Variants in ARHGEF37 observed in about 807,000 individuals in gnomAD.
The protein encoded by ARHGEF37 is Rho guanine nucleotide exchange factor 37, also known as Rho guanine nucleotide exchange factor (GEF) 37.
ARHGEF37 carries 55 observed loss-of-function variants against 71.1 expected under a neutral mutation model. That is an observed-to-expected ratio of 0.77 (90% CI 0.62 to 0.97). ARHGEF37 has a LOEUF of 0.97. Ranked by LOEUF, ARHGEF37 falls within the 50% of genes least tolerant of loss-of-function variation. The probability of loss-of-function intolerance (pLI) is 0.00; values close to 1 mark genes in which losing one functional copy is unlikely to be tolerated. For missense variants in ARHGEF37, 765 were observed against 836.8 expected, an observed-to-expected ratio of 0.91 and a Z score of 1.06; for synonymous variants, 327 against 350.6, an observed-to-expected ratio of 0.93 and a Z score of 0.75.
chr5:149,626,241 A>AACACACACACACACACACACAC (rs58263212), intron 10 of ARHGEF37, among the ~76,000 whole-genome samples: 1 of 133,636 alleles, frequency 7.5e-6, no homozygotes, highest in Non-Finnish European at 1.6e-5. Flanking sequence ...GAGCATGGTG[A>AACACACACACACACACACACAC]ACACACACAC....
At chr5:149,569,304 A>T (rs1223645665) in intron 1 of ARHGEF37, among the ~76,000 whole-genome samples, 3 of 150,350 alleles carry the variant, frequency 2.0e-5, no homozygotes, top group Admixed American at 6.6e-5. Flanking sequence ...GTTTATTTTT[A>T]TTTATTTATT....
In ARHGEF37 at chr5:149,624,129, C is replaced by T; in HGVS notation, c.1453C>T (p.Pro485Ser). ...QETFEKVQPP[P>S]TTQPLLPGSE... ...GACCTTTGAGAAAGTGCAGCCACCT[C>T]CCACCACACAAGTAAGCATCCTTCC... The change falls in exon 10 of 13, where the codon CCC becomes TCC. Residue 485 changes from proline to serine, a missense_variant. Around this residue, in one of 5 missense-constraint regions of ARHGEF37, gnomAD observed 390 missense variants for 407.4 expected, o/e 0.96. Transcript: ENST00000333677. The T allele has an allele frequency of 6.2e-7, 1 of 1,608,948 alleles. No individual in the cohort carries two copies. The highest frequency in any genetic ancestry group is 8.5e-7 in the Non-Finnish European group (1 of 1,175,860).
At chr5:149,577,118 G>C (rs1763036477), upstream of ARHGEF37, among the ~76,000 whole-genome samples, 1 of 152,010 alleles carries the variant, frequency 6.6e-6, no homozygotes, top group African/African-American at 2.4e-5. Flanking sequence ...TCAAATCCCA[G>C]TCACCTATGA....
intron 1 of ARHGEF37, among the ~76,000 whole-genome samples, chr5:149,585,683 A>G (rs967551416): frequency 9.5e-6 from 1 of 105,554 alleles, no homozygotes; most frequent in African/African-American, 4.1e-5. Flanking sequence ...ACGCCCAGCT[A>G]ATTTTTTGTA....
chr5:149,611,810 A>G (rs1397805126), intron 4 of ARHGEF37, among the ~76,000 whole-genome samples: 1 of 152,254 alleles, frequency 6.6e-6, no homozygotes, highest in Non-Finnish European at 1.5e-5. Context: ...CCCTTGTTAT[A>G]ACAAATATTA....
Position 149,632,898 on chromosome 5 carries a change from G to C in ARHGEF37, c.*707G>C, listed in dbSNP as rs1752930066. ...GGATTTTGATACTGTGTTAGGTGGG[G>C]TGTGTGAGGCTGTTGGCAGCAGGTG... On this transcript the variant is annotated 3_prime_UTR_variant, in exon 13 of 13. Transcript: ENST00000333677. 1 of 153,238 alleles carries C rather than the reference G, an allele frequency of 6.5e-6. No individual in the cohort carries two copies. The highest frequency in any genetic ancestry group is 1.5e-5 in the Non-Finnish European group (1 of 68,506). The allele number at this position is 153,238 out of a possible 1,614,324, so 9.5% of individuals were successfully genotyped here. A position where few individuals can be genotyped will look rare whatever the true frequency, so the allele number is the denominator to read the frequency against.
chr5:149,606,112 T>A (rs2113332830), intron 3 of ARHGEF37, among the ~76,000 whole-genome samples: 1 of 152,226 alleles, frequency 6.6e-6, no homozygotes, highest in South Asian at 2.1e-4. Flanking sequence ...GCCACACTGG[T>A]ATGACACAGT....
intron 1 of ARHGEF37, among the ~76,000 whole-genome samples, chr5:149,585,022 TG>T (rs1161037741): frequency 6.6e-6 from 1 of 152,212 alleles, no homozygotes; most frequent in African/African-American, 2.4e-5. Flanking sequence ...AGAATATATA[TG>T]GGTGGCAAAT....
intron 1 of ARHGEF37, among the ~76,000 whole-genome samples, chr5:149,596,573 G>C (rs1763553108): frequency 6.6e-6 from 1 of 152,192 alleles, no homozygotes; most frequent in Non-Finnish European, 1.5e-5. Flanking sequence ...CCAAAGTGCT[G>C]GGATTACAGG....
At position 149,553,725 on chromosome 5, in the gene ARHGEF37, A is replaced by T. The variant is rs78367835; in HGVS notation, c.-12+1602A>T. 8.1e-4 allele frequency among the ~76,000 whole-genome samples: 123 copies of T among 152,372 alleles called. 2 individuals carry two copies. The highest frequency in any genetic ancestry group is 2.7e-3 in the African/African-American group (114 of 41,586). On this transcript the variant is annotated intron_variant, in intron 1 of 2. Transcript: ENST00000505810. Reference sequence around the variant, plus strand: ...AAGTTTGCCATGAGGATGTGAGAAAAGTAAGCAATACATCTTTCATTTATT... The same window carrying T: ...AAGTTTGCCATGAGGATGTGAGAAATGTAAGCAATACATCTTTCATTTATT...
intron 4 of ARHGEF37, among the ~76,000 whole-genome samples, chr5:149,615,982 A>T (rs1307200594): frequency 6.6e-6 from 1 of 152,248 alleles, no homozygotes; most frequent in Admixed American, 6.5e-5. Flanking sequence ...CACAACACAG[A>T]GTTGAGCTGC....
upstream of ARHGEF37, among the ~76,000 whole-genome samples, chr5:149,578,595 C>T (rs559317128): frequency 3.3e-5 from 5 of 152,308 alleles, no homozygotes; most frequent in Admixed American, 3.3e-4. Context: ...GATCAATAAG[C>T]TAACCCTGAC....
At chr5:149,619,165 A>G in intron 7 of ARHGEF37, 123 bp downstream of exon 7, 2 of 744,056 alleles carry the variant, frequency 2.7e-6, no homozygotes, top group Non-Finnish European at 4.8e-6. Flanking sequence ...AGATGAGGTC[A>G]TCCTGTCTCA....
rs745325357 is a variant in ARHGEF37 at position 149,627,248 on chromosome 5, G to T, written c.1637G>T (p.Gly546Val). 2 of 1,613,822 alleles carry T rather than the reference G, an allele frequency of 1.2e-6. No individual in the cohort carries two copies. Among genetic ancestry groups the T allele is most frequent in the African/African-American group, 2.7e-5 (2 of 75,056 alleles). ...LQNKDTKGNS[G>V]RWLVDTGGHR... Reference sequence around the variant, plus strand: ...AACAAGGACACCAAAGGCAACAGCGGCCGCTGGCTGGTGGACACCGGGGGT... The same window carrying T: ...AACAAGGACACCAAAGGCAACAGCGTCCGCTGGCTGGTGGACACCGGGGGT... The change falls in exon 11 of 13, where the codon GGC (glycine) becomes GTC (valine). Residue 546 changes from glycine to valine, a missense_variant. This residue lies in a region of ARHGEF37 where 390 missense variants were observed against 407.4 expected (regional missense o/e 0.96). Coordinates refer to ENST00000333677, the MANE Select transcript of ARHGEF37 (RefSeq NM_001001669.3).
chr5:149,618,078 C>G, intron 5 of ARHGEF37, 98 bp from the exon 6 acceptor site: 1 of 1,516,856 alleles, frequency 6.6e-7, no homozygotes. Flanking sequence ...CCTGATGGAG[C>G]AGAGGGCCCA....
At chr5:149,620,845 G>A (rs188735428) in intron 8 of ARHGEF37, among the ~76,000 whole-genome samples, 1 of 105,806 alleles carries the variant, frequency 9.5e-6, no homozygotes, top group Non-Finnish European at 2.1e-5. Context: ...AAGAAGTCAG[G>A]CACTTTACAC....
In ARHGEF37 at chr5:149,621,789, G is replaced by T; in HGVS notation, c.1062G>T (p.Leu354=). 1 of 1,614,238 alleles carries T rather than the reference G, an allele frequency of 6.2e-7. No homozygotes were observed. Among genetic ancestry groups the T allele is most frequent in the Non-Finnish European group, 8.5e-7 (1 of 1,180,046 alleles). The change falls in exon 9 of 13, where the codon CTG becomes CTT. Residue 354 remains leucine, a synonymous_variant. Coordinates refer to ENST00000333677, the MANE Select transcript of ARHGEF37 (RefSeq NM_001001669.3). ...CACTGTGCAGCCTGGCCAAAGCCCT[G>T]CTTGGCCCTCAGAACCTGATCAAGA... is the stretch of plus-strand genomic sequence containing the variant. The part of the protein sequence containing the change: ...WQPLCSLAKA[L]LGPQNLIKKR...
chr5:149,602,125 C>T (rs572663491), intron 3 of ARHGEF37, among the ~76,000 whole-genome samples: 2 of 150,826 alleles, frequency 1.3e-5, no homozygotes, highest in East Asian at 2.0e-4. Flanking sequence ...GGCATGATCT[C>T]GGCTCACTGC....
chr5:149,607,755 CTTTTTT>C (rs67079479), intron 3 of ARHGEF37, among the ~76,000 whole-genome samples: 5 of 83,102 alleles, frequency 6.0e-5, no homozygotes, highest in Admixed American at 1.5e-4. Context: ...AAAGAAACTT[CTTTTTT>C]TTTTTTTTTT....
Sources: gnomAD v4.1 joint callset for allele counts (sites outside exome capture counted in the v4.1 genomes callset) on GRCh38, gnomAD v4.1.1 for gene constraint, gnomAD v4.1.1 regional missense constraint, MANE v1.5 for transcripts, NCBI Gene and HGNC (gene_info 2026-07-23, HGNC 2026-07-21) for gene names.